Variants in ZNF592 observed in about 807,000 individuals in gnomAD.
The protein encoded by ZNF592 is spinocerebellar ataxia, autosomal recessive 5.
In ZNF592, 11 loss-of-function variants were observed where a neutral mutation model predicts 80.3. That is an observed-to-expected ratio of 0.14 (90% confidence interval 0.09 to 0.23). ZNF592 has a LOEUF of 0.23. ZNF592 is among the 10% of genes least tolerant of loss of function. The pLI is 1.00. For synonymous variants in ZNF592, 646 were observed against 640.3 expected (o/e 1.01, Z -0.13); for missense variants, 1,420 against 1,633.9 (o/e 0.87, Z 2.26).
intron 1 of ZNF592, among the ~76,000 whole-genome samples, chr15:84,759,843 T>G (rs1899289051): frequency 6.6e-6 from 1 of 152,018 alleles, no homozygotes; most frequent in African/African-American, 2.4e-5. Flanking sequence ...GGGCCCACCT[T>G]GGTGGTCCTG....
At chr15:84,765,793 C>T (rs1421848397) in intron 2 of ZNF592, among the ~76,000 whole-genome samples, 1 of 151,938 alleles carries the variant, frequency 6.6e-6, no homozygotes, top group Non-Finnish European at 1.5e-5. Flanking sequence ...GCCTCGGCCT[C>T]CTAAAGTGTA....
At position 84,802,301 on chromosome 15, in the gene ZNF592, C is replaced by G; in HGVS notation, c.3712C>G (p.Pro1238Ala). The G allele has an allele frequency of 6.2e-7, 1 of 1,613,474 alleles. No homozygotes were observed. Among genetic ancestry groups the G allele is most frequent in the Non-Finnish European group, 8.5e-7 (1 of 1,179,648 alleles). ...CCCAGAGGCGAGGAGATTGCTGGGCCCGGCCCCTGAGGACGATGGTGGCCA... is the reference window on the plus strand; with the variant it reads ...CCCAGAGGCGAGGAGATTGCTGGGCGCGGCCCCTGAGGACGATGGTGGCCA... ...ADPEARRLLG[P>A]APEDDGGHND... The change falls in exon 11 of 11, where the codon CCG (proline) becomes GCG (alanine). Residue 1238 changes from proline (P) to alanine (A), a missense_variant. By Grantham distance (27) the Pro-to-Ala change is conservative. Around this residue, in one of 7 missense-constraint regions of ZNF592, gnomAD observed 145 missense variants for 211.9 expected, o/e 0.68. Transcript: ENST00000560079.
intron 2 of ZNF592, among the ~76,000 whole-genome samples, chr15:84,772,054 A>G (rs1962096593): frequency 6.6e-6 from 1 of 152,178 alleles, no homozygotes; most frequent in Admixed American, 6.5e-5. Context: ...CACACAAGTA[A>G]CTATTGATAC....
chr15:84,802,242 T>C lies in ZNF592; in HGVS notation c.3653T>C (p.Leu1218Pro), dbSNP rs760494466. Residue 1218 changes from leucine (L) to proline (P), a missense_variant, in exon 11 of 11, where the codon CTG becomes CCG. Transcript: ENST00000560079. Reference sequence around the variant, plus strand: ...CCCATGGAGACTAGAGAGAATGGACTGGAAGAATGTGCCGGTGAGCCTTTG... The same window carrying C: ...CCCATGGAGACTAGAGAGAATGGACCGGAAGAATGTGCCGGTGAGCCTTTG... ...EVPMETRENG[L>P]EECAGEPLSA... 1.2e-6 allele frequency: 2 copies of C among 1,603,156 alleles called. No homozygotes were observed. Among genetic ancestry groups the C allele is most frequent in the East Asian group, 4.5e-5 (2 of 44,658 alleles).
At position 84,798,844 on chromosome 15, in the gene ZNF592, A is replaced by T. The variant is rs201356806; in HGVS notation, c.2993A>T (p.Tyr998Phe). ...CQEWVPDRES[Y>F]VSHMKKSHGR... The stretch of plus-strand genomic sequence containing the variant: ...GAGTGGGTTCCAGATCGGGAGAGCT[A>T]CGTGTCCCACATGAAAAAGAGCCAC... Residue 998 changes from tyrosine to phenylalanine, a missense_variant, in exon 8 of 11, where the codon TAC becomes TTC. By Grantham distance (22) the Tyr-to-Phe change is conservative. This residue lies in a region of ZNF592 where 331 missense variants were observed against 347.0 expected (regional missense o/e 0.95). Transcript: ENST00000560079. The surrounding 1 kb of genome is among the most constrained non-coding windows in gnomAD (Gnocchi z 4.5). 1.4e-5 allele frequency: 22 copies of T among 1,598,982 alleles called. No homozygotes were observed. Among genetic ancestry groups the T allele is most frequent in the Non-Finnish European group, 1.8e-5 (21 of 1,179,764 alleles).
chr15:84,783,308 C>T lies in ZNF592; in HGVS notation c.633C>T (p.Pro211=), dbSNP rs1467028464. ...CKKEPKPEPL[P]LGSQQEHEQS... ...AAGAACCCAAGCCAGAACCCCTGCC[C>T]TTGGGGAGCCAGCAGGAACACGAGC... The change falls in exon 4 of 11, where the codon CCC becomes CCT. Residue 211 remains proline, a synonymous_variant. Coordinates refer to ENST00000560079, the MANE Select transcript of ZNF592 (RefSeq NM_014630.3). This position sits in a 1 kb window ranked among gnomAD's most constrained non-coding sequence, Gnocchi z 5.0. 1 of 1,614,252 alleles carries T rather than the reference C, an allele frequency of 6.2e-7. No individual in the cohort carries two copies. The highest frequency in any genetic ancestry group is 8.5e-7 in the Non-Finnish European group (1 of 1,180,054).
At chr15:84,762,997 A>G (rs1899396544) in intron 1 of ZNF592, among the ~76,000 whole-genome samples, 1 of 152,200 alleles carries the variant, frequency 6.6e-6, no homozygotes. Flanking sequence ...TCATTATGGC[A>G]AGGGCTGTGG....
At chr15:84,767,084 T>C (rs1899550284) in intron 2 of ZNF592, among the ~76,000 whole-genome samples, 1 of 152,152 alleles carries the variant, frequency 6.6e-6, no homozygotes. Flanking sequence ...AGCCTTCGCC[T>C]CTGGGGCTCA....
chr15:84,757,550 C>T (rs569725669), intron 1 of ZNF592, among the ~76,000 whole-genome samples: 11 of 152,042 alleles, frequency 7.2e-5, no homozygotes, highest in East Asian at 3.9e-4. Flanking sequence ...GACAGGATCT[C>T]GCTGTGTTGA....
At chr15:84,777,673 A>G (rs531450098) in intron 2 of ZNF592, among the ~76,000 whole-genome samples, 2 of 151,248 alleles carry the variant, frequency 1.3e-5, no homozygotes, top group East Asian at 3.9e-4. Flanking sequence ...AAAAGAGAAA[A>G]TAATTTCGTC....
intron 5 of ZNF592, among the ~76,000 whole-genome samples, chr15:84,794,772 C>T (rs1054009756): frequency 6.6e-4 from 101 of 152,160 alleles, no homozygotes; most frequent in Non-Finnish European, 1.2e-3. Flanking sequence ...CCACTGCTCC[C>T]GGCCTGGACT....
chr15:84,753,183 A>G (rs1270705541), intron 1 of ZNF592: 6 of 152,200 alleles, frequency 3.9e-5, no homozygotes, highest in African/African-American at 1.4e-4. Flanking sequence ...TAATAGAAAT[A>G]AAATATCAGA....
chr15:84,802,388 G>A lies in ZNF592; in HGVS notation c.3799G>A (p.Val1267Met), dbSNP rs777805891. The change falls in exon 11 of 11, where the codon GTG becomes ATG. Residue 1267 changes from valine (V) to methionine (M), a missense_variant. Around this residue, in one of 7 missense-constraint regions of ZNF592, gnomAD observed 24 missense variants for 16.7 expected, o/e 1.44. Transcript: ENST00000560079. ...GGACAGCCACACACTGTCCCCTCAG[G>A]TGTGACCGGAGACTTTGCAGTGTGC... ...DQDSHTLSPQ[V>M] 7 of 1,613,398 alleles carry A rather than the reference G, an allele frequency of 4.3e-6. No individual in the cohort carries two copies. The Admixed American group carries it at 1.0e-4, about 23-fold the overall frequency.
chr15:84,759,742 A>C (rs907773115), intron 1 of ZNF592, among the ~76,000 whole-genome samples: 2 of 152,150 alleles, frequency 1.3e-5, no homozygotes, highest in Admixed American at 1.3e-4. Context: ...ACACTTCTGC[A>C]TGGGAGGAGA....
chr15:84,754,224 T>C (rs1171851276), intron 1 of ZNF592, among the ~76,000 whole-genome samples: 2 of 152,226 alleles, frequency 1.3e-5, no homozygotes, highest in Non-Finnish European at 2.9e-5. Context: ...TTAAGTTCCT[T>C]ACCTTTTCCA....
rs201397470 is a variant in ZNF592, at chr15:84,798,846, G to A, written c.2995G>A (p.Val999Met). Residue 999 changes from valine (V) to methionine (M), a missense_variant, in exon 8 of 11, where the codon GTG becomes ATG. Transcript: ENST00000560079. This position sits in a 1 kb window ranked among gnomAD's most constrained non-coding sequence, Gnocchi z 4.5. ...QEWVPDRESY[V>M]SHMKKSHGRT... ...GTGGGTTCCAGATCGGGAGAGCTAC[G>A]TGTCCCACATGAAAAAGAGCCACGG... 9 of 1,599,172 alleles carry A rather than the reference G, an allele frequency of 5.6e-6. No individual in the cohort carries two copies. The highest frequency in any genetic ancestry group is 2.2e-5 in the South Asian group (2 of 90,984).
rs1899454775 is a variant in ZNF592, at chr15:84,764,825, C to G, written c.-150+10C>G. 2.5e-6 allele frequency: 1 copy of G among 398,874 alleles called. No homozygotes were observed. Among genetic ancestry groups the G allele is most frequent in the Non-Finnish European group, 4.4e-6 (1 of 226,038 alleles). 24.7% of individuals were successfully genotyped at this position (398,874 alleles called of 1,614,324 possible). A position where few individuals can be genotyped will look rare whatever the true frequency, so the allele number is the denominator to read the frequency against. On this transcript the variant is annotated intron_variant, in intron 2 of 10. Transcript: ENST00000560079. Reference sequence around the variant, plus strand: ...TGAGATCCTCTCTAAGGTATGATGTCTAGGCTGACCTGAACTGGCCTTGAA... The same window carrying G: ...TGAGATCCTCTCTAAGGTATGATGTGTAGGCTGACCTGAACTGGCCTTGAA...
At position 84,798,063 on chromosome 15, in the gene ZNF592, G is replaced by A; in HGVS notation, c.2576+18G>A. 6.2e-7 allele frequency: 1 copy of A among 1,613,000 alleles called. No individual in the cohort carries two copies. The highest frequency in any genetic ancestry group is 2.2e-5 in the East Asian group (1 of 44,878). On this transcript the variant is annotated intron_variant, in intron 6 of 10. Coordinates refer to ENST00000560079, the MANE Select transcript of ZNF592 (RefSeq NM_014630.3). The surrounding 1 kb of genome is among the most constrained non-coding windows in gnomAD (Gnocchi z 4.5). ...CCCTCCCAGTGAGTGCAGCTCCAGGGCCAGCAGGCCCTGTGGAGCAGAGAG... is the reference window on the plus strand; with the variant it reads ...CCCTCCCAGTGAGTGCAGCTCCAGGACCAGCAGGCCCTGTGGAGCAGAGAG...
chr15:84,788,424 T>G (rs1209282559), intron 4 of ZNF592, among the ~76,000 whole-genome samples: 1 of 152,212 alleles, frequency 6.6e-6, no homozygotes, highest in Non-Finnish European at 1.5e-5. Flanking sequence ...TGAGGGCTAT[T>G]TGGTTACTCT....
Sources: allele counts gnomAD v4.1 joint callset (sites outside exome capture counted in the v4.1 genomes callset), GRCh38; gene constraint gnomAD v4.1.1; regional missense constraint gnomAD v4.1.1; non-coding constraint Gnocchi (gnomAD v3.1); transcripts MANE v1.5; gene names NCBI Gene and HGNC (gene_info 2026-07-23, HGNC 2026-07-21).